The following DIP2C variants were observed in gnomAD, a reference collection of about 807,000 sequenced individuals.
DIP2C encodes disco-interacting protein 2 homolog C.
In DIP2C, 33 loss-of-function variants were observed where a neutral mutation model predicts 192.4. That is an observed-to-expected ratio of 0.17 (90% CI 0.13 to 0.23). DIP2C has a LOEUF of 0.23. DIP2C is among the 10% of genes least tolerant of loss of function. The pLI, the probability that DIP2C is intolerant of heterozygous loss-of-function variation, is 1.00. For synonymous variants in DIP2C, 979 were observed against 864.1 expected (o/e 1.13, Z -2.33); for missense variants, 1,537 against 2,110.1 (o/e 0.73, Z 5.32).
At chr10:318,769 G>A (rs563939641) in intron 31 of DIP2C, among the ~76,000 whole-genome samples, 1 of 152,226 alleles carries the variant, frequency 6.6e-6, no homozygotes, top group African/African-American at 2.4e-5. Context: ...ATCCCCAACA[G>A]CACCTTATTT....
chr10:406,275 G>GA (rs1453258103), intron 9 of DIP2C, among the ~76,000 whole-genome samples: 130 of 152,318 alleles, frequency 8.5e-4, no homozygotes, highest in Non-Finnish European at 1.8e-4. Context: ...TTTACACGTA[G>GA]AATTCAGTAG....
At chr10:479,313 T>C (rs1255959798) in intron 2 of DIP2C, among the ~76,000 whole-genome samples, 1 of 148,108 alleles carries the variant, frequency 6.8e-6, no homozygotes, top group Non-Finnish European at 1.5e-5. Context: ...CCTAACCCCA[T>C]GAATTCTCAC....
At position 404,468 on chromosome 10, in the gene DIP2C, C is replaced by T. The variant is rs895672953; in HGVS notation, c.1149+4458G>A. On this transcript the variant is annotated intron_variant, in intron 9 of 36. Coordinates refer to ENST00000280886, the MANE Select transcript of DIP2C (RefSeq NM_014974.3). ...TAGTCATCTGCCCACCTCAGCCTCT[C>T]GAAGTGCTGGGATTCCAGGCATGAG... 2.1e-4 allele frequency among the ~76,000 whole-genome samples: 32 copies of T among 152,180 alleles called. 1 individual carries two copies. The highest frequency in any genetic ancestry group is 7.2e-4 in the African/African-American group (30 of 41,448).
intron 1 of DIP2C, among the ~76,000 whole-genome samples, chr10:524,890 G>GA (rs989230624): frequency 3.4e-5 from 5 of 147,158 alleles, no homozygotes; most frequent in African/African-American, 1.3e-4. Context: ...TCAAGAACAG[G>GA]AAGATGCCCG....
chr10:329,655 G>A (rs2132459417), intron 29 of DIP2C, 54 bp from the exon 30 acceptor site: 1 of 687,538 alleles, frequency 1.5e-6, no homozygotes, highest in East Asian at 3.2e-5. Context: ...CTGGAGCTCA[G>A]CAAGGCTGGA....
chr10:345,192 T>C lies in DIP2C; in HGVS notation c.3232-82A>G, dbSNP rs1177992506. Reference sequence around the variant, plus strand: ...CACTTCACACGGGTCTCCTGCTTACTACATACACTAAAACCATGTAGCTTT... The same window carrying C: ...CACTTCACACGGGTCTCCTGCTTACCACATACACTAAAACCATGTAGCTTT... On this transcript the variant is annotated intron_variant, in intron 26 of 36. Transcript: ENST00000280886. 5.5e-6 allele frequency: 7 copies of C among 1,273,336 alleles called. No individual in the cohort carries two copies. In the Admixed American group the frequency reaches 1.4e-4, roughly 25 times the overall value. The allele number at this position is 1,273,336 out of a possible 1,614,324, so 78.9% of individuals were successfully genotyped here.
intron 5 of DIP2C, 27 bp downstream of exon 5, chr10:422,797 C>T (rs758164808): frequency 1.9e-6 from 3 of 1,598,884 alleles, no homozygotes; most frequent in South Asian, 1.1e-5. Context: ...ACAACAGGCA[C>T]AGAAAGACAC....
intron 1 of DIP2C, among the ~76,000 whole-genome samples, chr10:684,235 T>C (rs1289777366): frequency 6.6e-6 from 1 of 152,212 alleles, no homozygotes; most frequent in East Asian, 1.9e-4. Context: ...GTCACAATGT[T>C]TTCAATGCAT....
At chr10:351,064 G>C (rs1958783824) in intron 24 of DIP2C, among the ~76,000 whole-genome samples, 1 of 152,166 alleles carries the variant, frequency 6.6e-6, no homozygotes, top group South Asian at 2.1e-4. Flanking sequence ...ATTGGGGACA[G>C]AGTGCACAGC....
chr10:353,323 T>G (rs540471909), intron 24 of DIP2C, among the ~76,000 whole-genome samples: 3 of 152,334 alleles, frequency 2.0e-5, no homozygotes, highest in Admixed American at 2.0e-4. Flanking sequence ...AAATTTATAT[T>G]TTAAAATTCT....
intron 1 of DIP2C, among the ~76,000 whole-genome samples, chr10:548,446 G>A (rs1369114962): frequency 6.7e-6 from 1 of 148,328 alleles, no homozygotes; most frequent in Non-Finnish European, 1.5e-5. Flanking sequence ...CCGGGATGGA[G>A]GGAGGGAGGG....
intron 4 of DIP2C, among the ~76,000 whole-genome samples, chr10:432,470 A>G (rs370084899): frequency 6.6e-6 from 1 of 152,198 alleles, no homozygotes; most frequent in African/African-American, 2.4e-5. Flanking sequence ...TTGTGGCCAT[A>G]GAGTTTTTCA....
intron 3 of DIP2C, among the ~76,000 whole-genome samples, chr10:461,301 C>T (rs1343794428): frequency 5.3e-5 from 8 of 152,136 alleles, no homozygotes; most frequent in Non-Finnish European, 1.0e-4. Flanking sequence ...ATTCAGGAGA[C>T]CTATCTCATG....
intron 6 of DIP2C, among the ~76,000 whole-genome samples, chr10:416,630 T>A (rs1965656182): frequency 6.6e-6 from 1 of 152,220 alleles, no homozygotes; most frequent in South Asian, 2.1e-4. Context: ...ACTGTGCTAA[T>A]TATAATGAAT....
chr10:558,383 G>A lies in DIP2C; in HGVS notation c.86-71853C>T, dbSNP rs138412261. On this transcript the variant is annotated intron_variant, in intron 1 of 36. Transcript: ENST00000280886. ...AATAATTTACCTGGATGCATCTCAC[G>A]GATTGAGATTCGACCCCCAGACCTA... Among the ~76,000 whole-genome samples the A allele has an allele frequency of 6.2e-3, 943 of 152,328 alleles. 10 individuals are homozygous for A. Among genetic ancestry groups the A allele is most frequent in the African/African-American group, 0.021 (881 of 41,556 alleles).
At chr10:593,933 G>A (rs572820951) in intron 1 of DIP2C, among the ~76,000 whole-genome samples, 2 of 152,296 alleles carry the variant, frequency 1.3e-5, no homozygotes, top group East Asian at 3.9e-4. Context: ...CTGAATTTCA[G>A]AGCTCTGTGT....
At chr10:576,319 C>G (rs892904358) in intron 1 of DIP2C, among the ~76,000 whole-genome samples, 2 of 152,242 alleles carry the variant, frequency 1.3e-5, no homozygotes, top group Admixed American at 6.5e-5. Flanking sequence ...CGAGCACTCA[C>G]TGACTCTTGA....
In DIP2C at chr10:472,470, A is replaced by G; in HGVS notation, c.237T>C (p.Ser79=). The change falls in exon 3 of 37, where the codon TCT becomes TCC. Residue 79 remains serine (S), a synonymous_variant. Coordinates refer to ENST00000280886, the MANE Select transcript of DIP2C (RefSeq NM_014974.3). ...SSASRYHRRR[S]SGSRDERYRS... ...GATAGCGCTCATCTCGTGACCCTGA[A>G]GACCGTCGGCGGTGGTAGCGAGAGG... is the stretch of plus-strand genomic sequence containing the variant. The G allele has an allele frequency of 6.2e-7, 1 of 1,614,188 alleles. No individual in the cohort carries two copies. Among genetic ancestry groups the G allele is most frequent in the Non-Finnish European group, 8.5e-7 (1 of 1,180,026 alleles).
intron 32 of DIP2C, among the ~76,000 whole-genome samples, chr10:293,869 G>C (rs1236717520): frequency 6.6e-6 from 1 of 152,130 alleles, no homozygotes; most frequent in Non-Finnish European, 1.5e-5. Context: ...TGCATGAGAC[G>C]GCCCACGGTG....
Sources: gnomAD v4.1 joint callset for allele counts (sites outside exome capture counted in the v4.1 genomes callset) on GRCh38, gnomAD v4.1.1 for gene constraint, MANE v1.5 for transcripts, NCBI Gene and HGNC (gene_info 2026-07-23, HGNC 2026-07-21) for gene names.